The following SMAP1 variants were observed in gnomAD, a reference collection of about 807,000 sequenced individuals.
SMAP1 encodes the protein stromal membrane-associated protein 1.
In SMAP1, 24 loss-of-function variants were observed where a neutral mutation model predicts 58.5. The ratio of observed to expected loss-of-function variants is 0.41; its 90% CI spans 0.30 to 0.58. The LOEUF (loss-of-function observed/expected upper bound fraction) is 0.58, where lower values mean the gene tolerates loss of function less well. Ranked by LOEUF, SMAP1 falls within the 20% of genes least tolerant of loss-of-function variation. SMAP1 has a pLI of 0.29. For synonymous variants in SMAP1, 216 were observed against 196.6 expected (o/e 1.10, Z -0.82); for missense variants, 563 against 566.3 (o/e 0.99, Z 0.06).
At chr6:70,689,190 G>A (rs1037113112) in intron 1 of SMAP1, among the ~76,000 whole-genome samples, 1 of 152,024 alleles carries the variant, frequency 6.6e-6, no homozygotes, top group Admixed American at 6.6e-5. Context: ...TGTAGTTTTA[G>A]TAGAGATGGG....
intron 9 of SMAP1, 94 bp from the exon 10 acceptor site, chr6:70,857,828 A>C (rs1183854506): frequency 7.3e-7 from 1 of 1,360,690 alleles, no homozygotes; most frequent in Non-Finnish European, 1.0e-6. Flanking sequence ...GTTTGCTGTG[A>C]GTAGTTCAGA....
chr6:70,755,160 T>A, intron 3 of SMAP1, 95 bp downstream of exon 3: 1 of 938,574 alleles, frequency 1.1e-6, no homozygotes, highest in Non-Finnish European at 1.7e-6. Flanking sequence ...AGATGTGAAC[T>A]TTATCACGCT....
chr6:70,778,770 A>G (rs1216503355), intron 4 of SMAP1, among the ~76,000 whole-genome samples: 1 of 152,206 alleles, frequency 6.6e-6, no homozygotes, highest in African/African-American at 2.4e-5. Context: ...TGTTGGTGGC[A>G]GCAGCTCTGA....
At position 70,707,099 on chromosome 6, in the gene SMAP1, TGTTA is replaced by T. The variant is rs528209357; in HGVS notation, c.119-25275_119-25272del. ...GACATTAATGGTTTCTCTTGTTATA[TGTTA>T]GTTTTATACTATTAGAGTAACTTTA... On this transcript the variant is annotated intron_variant, in intron 1 of 10. Transcript: ENST00000370455. Among the ~76,000 whole-genome samples the T allele has an allele frequency of 7.2e-5, 11 of 152,330 alleles. No individual in the cohort carries two copies. In the South Asian group the frequency reaches 1.9e-3, roughly 26 times the overall value.
chr6:70,783,701 A>G (rs945561605), intron 4 of SMAP1, among the ~76,000 whole-genome samples: 1 of 152,234 alleles, frequency 6.6e-6, no homozygotes, highest in African/African-American at 2.4e-5. Flanking sequence ...AAAGGGTATC[A>G]GTGATGGAAG....
At position 70,791,746 on chromosome 6, in the gene SMAP1, G is replaced by A. The variant is rs753580446; in HGVS notation, c.472G>A (p.Ala158Thr). 2 of 1,613,020 alleles carry A rather than the reference G, an allele frequency of 1.2e-6. No homozygotes were observed. The highest frequency in any genetic ancestry group is 2.2e-5 in the South Asian group (2 of 90,986). ...PLVSSPSLQA[A>T]VDKNKLEKEK... ...GGTATCCTCTCCTTCTCTGCAAGCT[G>A]CTGTTGACAAAAATAAATTGGAGGT... is the stretch of plus-strand genomic sequence containing the variant. The change falls in exon 5 of 11, where the codon GCT becomes ACT. Residue 158 changes from alanine (A) to threonine (T), a missense_variant. Transcript: ENST00000370455.
At chr6:70,700,149 G>A (rs1322907062) in intron 1 of SMAP1, among the ~76,000 whole-genome samples, 1 of 152,036 alleles carries the variant, frequency 6.6e-6, no homozygotes, top group Non-Finnish European at 1.5e-5. Flanking sequence ...AAAGTGTGTG[G>A]CACCTCCCTC....
chr6:70,777,434 G>C (rs1767592284), intron 4 of SMAP1, among the ~76,000 whole-genome samples: 1 of 152,052 alleles, frequency 6.6e-6, no homozygotes, highest in South Asian at 2.1e-4. Context: ...TGTCTATTCA[G>C]ATCTTTTGCT....
rs771274376 is a variant in SMAP1, at chr6:70,860,318, C to T, written c.1388C>T (p.Thr463Ile). Residue 463 changes from threonine to isoleucine, a missense_variant, in exon 11 of 11, where the codon ACA becomes ATA. Physicochemically the swap from Thr to Ile is moderately conservative, Grantham distance 89 (BLOSUM62 -1). Coordinates refer to ENST00000370455, the MANE Select transcript of SMAP1 (RefSeq NM_001044305.3). Reference protein sequence around the residue: ...SGSSSGQTLSTQLWK With the variant: ...SGSSSGQTLSIQLWK Reference sequence around the variant, plus strand: ...AGCTCATCAGGTCAGACTCTCAGCACACAACTGTGGAAATGAAAACTGCAA... The same window carrying T: ...AGCTCATCAGGTCAGACTCTCAGCATACAACTGTGGAAATGAAAACTGCAA... 8 of 1,609,772 alleles carry T rather than the reference C, an allele frequency of 5.0e-6. No individual in the cohort carries two copies. Among genetic ancestry groups the T allele is most frequent in the Non-Finnish European group, 6.8e-6 (8 of 1,178,858 alleles).
intron 5 of SMAP1, among the ~76,000 whole-genome samples, chr6:70,793,567 T>G (rs186737062): frequency 4.0e-5 from 6 of 151,606 alleles, no homozygotes; most frequent in African/African-American, 1.5e-4. Context: ...GAGGTCACTG[T>G]GGAACATTGA....
chr6:70,816,652 T>C (rs990302063), intron 6 of SMAP1, among the ~76,000 whole-genome samples: 3 of 152,174 alleles, frequency 2.0e-5, no homozygotes, highest in Non-Finnish European at 2.9e-5. Context: ...ACTGGGGATA[T>C]AGTAGAAACA....
At chr6:70,805,952 A>G (rs1769109063) in intron 6 of SMAP1, among the ~76,000 whole-genome samples, 1 of 152,186 alleles carries the variant, frequency 6.6e-6, no homozygotes, top group South Asian at 2.1e-4. Flanking sequence ...CAGTTAGGCT[A>G]CACGGGGGTC....
chr6:70,680,280 A>G (rs993135501), intron 1 of SMAP1, among the ~76,000 whole-genome samples: 14 of 152,244 alleles, frequency 9.2e-5, no homozygotes, highest in Non-Finnish European at 7.3e-5. Flanking sequence ...TGAATTAAGC[A>G]GAGGATTCTT....
At chr6:70,823,506 G>C (rs565186952) in intron 6 of SMAP1, among the ~76,000 whole-genome samples, 7 of 152,230 alleles carry the variant, frequency 4.6e-5, no homozygotes, top group Admixed American at 4.6e-4. Context: ...AAAAAGAACA[G>C]AATGTTCCAT....
At chr6:70,813,540 A>C (rs1211428764) in intron 6 of SMAP1, among the ~76,000 whole-genome samples, 2 of 152,096 alleles carry the variant, frequency 1.3e-5, no homozygotes, top group Admixed American at 6.6e-5. Context: ...AATTATTCAA[A>C]ATTTTTAAAT....
At position 70,860,461 on chromosome 6, in the gene SMAP1, CTGATTGACCGTGTT is replaced by C. The variant is rs1771669030; in HGVS notation, c.*128_*141del. 8.7e-7 allele frequency: 1 copy of C among 1,146,712 alleles called. No homozygotes were observed. Among genetic ancestry groups the C allele is most frequent in the Admixed American group, 3.0e-5 (1 of 32,838 alleles). 71.0% of individuals were successfully genotyped at this position (1,146,712 alleles called of 1,614,324 possible). On this transcript the variant is annotated 3_prime_UTR_variant, in exon 11 of 11. Coordinates refer to ENST00000370455, the MANE Select transcript of SMAP1 (RefSeq NM_001044305.3). ...CCCATTTGTTCATATTAAGAATGAT[CTGATTGACCGTGTT>C]GGTCTGTACTGATTCAATTTGATGT...
intron 3 of SMAP1, among the ~76,000 whole-genome samples, chr6:70,757,436 C>T (rs183634168): frequency 3.0e-3 from 449 of 151,660 alleles, no homozygotes; most frequent in Non-Finnish European, 5.4e-3. Flanking sequence ...ACCTAGGCAT[C>T]ACCATTCAGG....
chr6:70,804,231 G>A (rs1278918760), intron 6 of SMAP1, among the ~76,000 whole-genome samples: 4 of 151,590 alleles, frequency 2.6e-5, no homozygotes, highest in Admixed American at 6.6e-5. Context: ...TCCCTTTACC[G>A]TTATGTAATG....
chr6:70,727,900 A>G (rs1412167783), intron 1 of SMAP1, among the ~76,000 whole-genome samples: 1 of 152,068 alleles, frequency 6.6e-6, no homozygotes, highest in African/African-American at 2.4e-5. Context: ...CTGTCTCTAC[A>G]AAAAATACAA....
Sources: allele counts gnomAD v4.1 joint callset (sites outside exome capture counted in the v4.1 genomes callset), GRCh38; gene constraint gnomAD v4.1.1; transcripts MANE v1.5; gene names NCBI Gene and HGNC (gene_info 2026-07-23, HGNC 2026-07-21).